APBA1: variants seen among roughly 807,000 people sequenced by gnomAD.
APBA1 encodes amyloid beta precursor protein binding family A member 1.
Under a neutral mutation model 86.6 loss-of-function variants are expected in APBA1, and 55 were observed. The observed-to-expected ratio is 0.64, with a 90% confidence interval of 0.51 to 0.80. The LOEUF (loss-of-function observed/expected upper bound fraction) is 0.80. Among genes scored for constraint, APBA1 ranks in the 30% least tolerant of loss-of-function variants. The pLI, the probability that APBA1 is intolerant of heterozygous loss-of-function variation, is 0.00. For synonymous variants in APBA1, 511 were observed against 493.9 expected, an observed-to-expected ratio of 1.03 and a Z score of -0.46; for missense variants, 1,090 against 1,183.0, an observed-to-expected ratio of 0.92 and a Z score of 1.15.
intron 1 of APBA1, among the ~76,000 whole-genome samples, chr9:69,534,447 G>C (rs58330455): frequency 6.6e-6 from 1 of 152,070 alleles, no homozygotes; most frequent in East Asian, 1.9e-4. Flanking sequence ...CTATAAATGC[G>C]GAGGACTCCG....
chr9:69,534,284 C>A (rs1265270934), intron 1 of APBA1, among the ~76,000 whole-genome samples: 1 of 152,288 alleles, frequency 6.6e-6, no homozygotes, highest in East Asian at 1.9e-4. Flanking sequence ...TCACCCTTCA[C>A]AATACAGCAT....
At chr9:69,584,998 T>C (rs1343288547) in intron 1 of APBA1, among the ~76,000 whole-genome samples, 2 of 152,222 alleles carry the variant, frequency 1.3e-5, no homozygotes, top group East Asian at 1.9e-4. Context: ...AAGAATGGAA[T>C]GTTGACTTGC....
intron 1 of APBA1, among the ~76,000 whole-genome samples, chr9:69,523,485 ATATATATATATG>A (rs1161499612): frequency 0.053 from 750 of 14,180 alleles, 2 homozygotes; most frequent in East Asian, 0.21. Context: ...ATGTATATAT[ATATATATATATG>A]TATATATATA....
At chr9:69,504,443 C>T (rs1045398690) in intron 2 of APBA1, among the ~76,000 whole-genome samples, 39 of 151,962 alleles carry the variant, frequency 2.6e-4, no homozygotes, top group African/African-American at 8.9e-4. Flanking sequence ...TAGAGATGTT[C>T]TTTAAATGTC....
chr9:69,579,490 T>C (rs2133955247), intron 1 of APBA1, among the ~76,000 whole-genome samples: 1 of 152,370 alleles, frequency 6.6e-6, no homozygotes, highest in South Asian at 2.1e-4. Flanking sequence ...AGGCAGGAGC[T>C]ACATTTTATA....
chr9:69,433,918 C>T (rs145711984), intron 11 of APBA1, among the ~76,000 whole-genome samples: 20 of 150,936 alleles, frequency 1.3e-4, no homozygotes, highest in African/African-American at 4.2e-4. Flanking sequence ...TTCAGGTGAT[C>T]CTCCTGCCTC....
chr9:69,440,369 C>T (rs1235241633), intron 11 of APBA1, among the ~76,000 whole-genome samples: 3 of 152,048 alleles, frequency 2.0e-5, no homozygotes, highest in Non-Finnish European at 4.4e-5. Flanking sequence ...TGTCTGTGCC[C>T]TGCCCCCAGA....
At chr9:69,665,460 A>G (rs1823825424) in intron 1 of APBA1, among the ~76,000 whole-genome samples, 2 of 152,242 alleles carry the variant, frequency 1.3e-5, no homozygotes, top group African/African-American at 2.4e-5. Flanking sequence ...CTATCTGCAG[A>G]AATCAAGGTA....
chr9:69,540,122 GCAACAACAACAACAA>G (rs56405500), intron 1 of APBA1, among the ~76,000 whole-genome samples: 6 of 148,468 alleles, frequency 4.0e-5, no homozygotes, highest in Non-Finnish European at 7.4e-5. Context: ...CTCCATCTCG[GCAACAACAACAACAA>G]CAACAACAAC....
chr9:69,670,404 C>T (rs1422435432), intron 1 of APBA1, among the ~76,000 whole-genome samples: 1 of 152,106 alleles, frequency 6.6e-6, no homozygotes, highest in African/African-American at 2.4e-5. Context: ...ACGGGCTTTT[C>T]GAAGAGAACC....
At chr9:69,456,973 G>C in intron 7 of APBA1, 80 bp downstream of exon 7, 9 of 1,219,938 alleles carry the variant, frequency 7.4e-6, no homozygotes, top group Non-Finnish European at 9.7e-6. Context: ...ACAGACACAT[G>C]CCTGCTCTAC....
At chr9:69,604,700 A>T (rs1309234013) in intron 1 of APBA1, among the ~76,000 whole-genome samples, 2 of 131,362 alleles carry the variant, frequency 1.5e-5, no homozygotes, top group Non-Finnish European at 3.2e-5. Context: ...ACATGCACGC[A>T]CATGAGGGTA....
chr9:69,463,361 T>C (rs1835222718), intron 5 of APBA1: 1 of 152,198 alleles, frequency 6.6e-6, no homozygotes, highest in Non-Finnish European at 1.5e-5. Context: ...CTTTGTTTCT[T>C]TTCACATTAA....
At chr9:69,590,016 C>T (rs1822099492) in intron 1 of APBA1, among the ~76,000 whole-genome samples, 4 of 152,080 alleles carry the variant, frequency 2.6e-5, no homozygotes, top group Admixed American at 2.6e-4. Flanking sequence ...CTCTTTTCAC[C>T]CTCCTTCCCA....
chr9:69,581,698 T>G (rs1453130349), intron 1 of APBA1, among the ~76,000 whole-genome samples: 2 of 152,072 alleles, frequency 1.3e-5, no homozygotes, highest in Non-Finnish European at 2.9e-5. Flanking sequence ...AAGCGGGGCA[T>G]GGGGGAAGGA....
intron 1 of APBA1, among the ~76,000 whole-genome samples, chr9:69,621,365 C>A (rs1180949277): frequency 6.6e-6 from 1 of 152,194 alleles, no homozygotes; most frequent in East Asian, 1.9e-4. Flanking sequence ...TCCTGCCAAA[C>A]CTGTGGCCTC....
intron 1 of APBA1, among the ~76,000 whole-genome samples, chr9:69,522,812 A>C (rs77422955): frequency 0.018 from 2,714 of 152,318 alleles, 32 homozygotes; most frequent in Admixed American, 0.036. Flanking sequence ...ATGATGACCC[A>C]TGTGCCTCTG....
chr9:69,587,713 A>C (rs1385323340), intron 1 of APBA1, among the ~76,000 whole-genome samples: 1 of 152,124 alleles, frequency 6.6e-6, no homozygotes, highest in Non-Finnish European at 1.5e-5. Context: ...GAGATGTTCC[A>C]GAAAAAATAA....
intron 1 of APBA1, among the ~76,000 whole-genome samples, chr9:69,608,921 T>C (rs947153441): frequency 2.0e-5 from 3 of 152,202 alleles, no homozygotes; most frequent in African/African-American, 7.2e-5. Context: ...CTAATAACCA[T>C]CACTGGTATT....
Sources: allele counts gnomAD v4.1 joint callset (sites outside exome capture counted in the v4.1 genomes callset), GRCh38; gene constraint gnomAD v4.1.1; transcripts MANE v1.5; gene names NCBI Gene and HGNC (gene_info 2026-07-23, HGNC 2026-07-21).